MYO1E: variants seen among roughly 807,000 people sequenced by gnomAD.
MYO1E encodes myosin IE, also known as unconventional myosin-Ie.
In MYO1E, 68 loss-of-function variants were observed where a neutral mutation model predicts 151.1. The observed-to-expected ratio is 0.45, with a 90% CI of 0.37 to 0.55. The LOEUF is 0.55. MYO1E is among the 20% of genes least tolerant of loss of function. The pLI is 0.00. For missense variants in MYO1E, 1,363 were observed against 1,389.3 expected (o/e 0.98, Z 0.30); for synonymous variants, 601 against 501.7 (o/e 1.20, Z -2.64).
At chr15:59,186,494 G>A (rs1441065341) in intron 18 of MYO1E, among the ~76,000 whole-genome samples, 1 of 152,128 alleles carries the variant, frequency 6.6e-6, no homozygotes. Context: ...GACGCGGTGT[G>A]GTCGCTCGTG....
At chr15:59,272,183 G>A (rs1376238520) in intron 2 of MYO1E, 123 bp downstream of exon 2, 1 of 1,115,944 alleles carries the variant, frequency 9.0e-7, no homozygotes, top group Non-Finnish European at 1.4e-6. Context: ...TGGAACTCCT[G>A]CCTTAGCCTT....
intron 1 of MYO1E, among the ~76,000 whole-genome samples, chr15:59,347,822 G>A (rs917462713): frequency 1.3e-5 from 2 of 152,096 alleles, no homozygotes; most frequent in Non-Finnish European, 2.9e-5. Flanking sequence ...TAAATTTCGG[G>A]TGACATAAGG....
chr15:59,318,363 A>C (rs1453102523), intron 1 of MYO1E, among the ~76,000 whole-genome samples: 1 of 152,150 alleles, frequency 6.6e-6, no homozygotes, highest in Non-Finnish European at 1.5e-5. Context: ...CCCAACGGAG[A>C]CTACCATGAA....
intron 18 of MYO1E, among the ~76,000 whole-genome samples, chr15:59,183,442 C>T (rs561271552): frequency 8.6e-5 from 13 of 151,998 alleles, no homozygotes; most frequent in Admixed American, 7.2e-4. Flanking sequence ...TCGAGTAATC[C>T]TCCTGCCTCA....
chr15:59,344,101 G>T (rs1193809727), intron 1 of MYO1E, among the ~76,000 whole-genome samples: 1 of 152,190 alleles, frequency 6.6e-6, no homozygotes, highest in East Asian at 1.9e-4. Flanking sequence ...GAAGAGTTAA[G>T]AATTTATTGT....
chr15:59,209,123 T>C (rs560756884), intron 13 of MYO1E: 47 of 488,730 alleles, frequency 9.6e-5, no homozygotes, highest in East Asian at 4.3e-4. Flanking sequence ...TGCTCACTCA[T>C]AGTCATGCCA....
intron 4 of MYO1E, among the ~76,000 whole-genome samples, chr15:59,243,965 G>C (rs1330740806): frequency 2.0e-5 from 3 of 151,556 alleles, no homozygotes; most frequent in African/African-American, 7.3e-5. Flanking sequence ...GGAGGTTCCA[G>C]GGTCATGGAG....
Position 59,159,601 on chromosome 15 carries a change from T to A in MYO1E, c.2786-1222A>T, listed in dbSNP as rs916478407. Among the ~76,000 whole-genome samples, 1 of 152,218 alleles carries A rather than the reference T, an allele frequency of 6.6e-6. No individual in the cohort carries two copies. The highest frequency in any genetic ancestry group is 2.4e-5 in the African/African-American group (1 of 41,458). On this transcript the variant is annotated intron_variant, in intron 24 of 27. Transcript: ENST00000288235. The surrounding 1 kb of genome is among the most constrained non-coding windows in gnomAD (Gnocchi z 4.4). Reference sequence around the variant, plus strand: ...AATAATGATTTCCTGCCACTCCCTTTCCCTGGGTCCCTACTTTGTTCCCTA... The same window carrying A: ...AATAATGATTTCCTGCCACTCCCTTACCCTGGGTCCCTACTTTGTTCCCTA...
chr15:59,325,436 A>T (rs1475123511), intron 1 of MYO1E, among the ~76,000 whole-genome samples: 1 of 152,212 alleles, frequency 6.6e-6, no homozygotes, highest in Non-Finnish European at 1.5e-5. Context: ...ATTCGTGCAC[A>T]ATGAGTCCCA....
rs374680770 is a variant in MYO1E at position 59,132,772 on chromosome 15, T to TAAGTA, written c.*4603_*4607dup. 208 of 152,332 alleles carry TAAGTA rather than the reference T, an allele frequency of 1.4e-3. 1 individual carries two copies. Among genetic ancestry groups the TAAGTA allele is most frequent in the African/African-American group, 4.9e-3 (202 of 41,576 alleles). The allele number at this position is 152,332 out of a possible 1,614,324, so 9.4% of individuals were successfully genotyped here. ...GAGTGTCTCCCTCATAGGGTGGTGC[T>TAAGTA]AAGTAAAGTATGCCAAGCACTTAGT... On this transcript the variant is annotated 3_prime_UTR_variant, in exon 28 of 28. Coordinates refer to ENST00000288235, the MANE Select transcript of MYO1E (RefSeq NM_004998.4).
At chr15:59,303,390 G>C (rs2080494956) in intron 1 of MYO1E, among the ~76,000 whole-genome samples, 1 of 151,996 alleles carries the variant, frequency 6.6e-6, no homozygotes, top group South Asian at 2.1e-4. Context: ...CTTCAGCCTG[G>C]GCAACACAGT....
intron 22 of MYO1E, 40 bp from the exon 23 acceptor site, chr15:59,163,343 G>T (rs372275649): frequency 1.7e-5 from 27 of 1,598,148 alleles, no homozygotes; most frequent in Non-Finnish European, 2.2e-5. Flanking sequence ...TGAAAGCTGT[G>T]CTTCTGTTTA....
intron 1 of MYO1E, among the ~76,000 whole-genome samples, chr15:59,274,245 C>A (rs958110162): frequency 6.6e-6 from 1 of 152,174 alleles, no homozygotes; most frequent in Non-Finnish European, 1.5e-5. Context: ...GAAGGAAACT[C>A]TCTATATCTG....
At chr15:59,201,594 G>A (rs559140271) in intron 16 of MYO1E, among the ~76,000 whole-genome samples, 1 of 152,152 alleles carries the variant, frequency 6.6e-6, no homozygotes, top group South Asian at 2.1e-4. Context: ...AGTAGAGACA[G>A]GGTTTCTCCA....
intron 8 of MYO1E, among the ~76,000 whole-genome samples, chr15:59,223,835 T>C (rs754374507): frequency 2.0e-5 from 3 of 152,154 alleles, no homozygotes; most frequent in Non-Finnish European, 4.4e-5. Flanking sequence ...AAAACTACAC[T>C]CTAGGACCAG....
intron 1 of MYO1E, among the ~76,000 whole-genome samples, chr15:59,372,293 A>C (rs2080951141): frequency 6.6e-6 from 1 of 152,108 alleles, no homozygotes; most frequent in African/African-American, 2.4e-5. Flanking sequence ...GACTTGGAAT[A>C]AAGTTTTCCT....
chr15:59,238,901 T>C (rs1421703741), intron 4 of MYO1E, among the ~76,000 whole-genome samples: 1 of 151,928 alleles, frequency 6.6e-6, no homozygotes, highest in Non-Finnish European at 1.5e-5. Flanking sequence ...TTCTCATAAT[T>C]TTCTATTTTT....
chr15:59,163,125 C>G, intron 23 of MYO1E, 32 bp downstream of exon 23: 1 of 1,612,576 alleles, frequency 6.2e-7, no homozygotes. Context: ...TTTAGCTACA[C>G]GCAGAAGTCT....
intron 4 of MYO1E, among the ~76,000 whole-genome samples, chr15:59,253,018 T>C (rs1317338319): frequency 5.9e-5 from 9 of 152,240 alleles, no homozygotes; most frequent in Admixed American, 5.9e-4. Flanking sequence ...ACTGCGGTCA[T>C]GTCCAAAGGA....
Sources: gnomAD v4.1 joint callset for allele counts (sites outside exome capture counted in the v4.1 genomes callset) on GRCh38, gnomAD v4.1.1 for gene constraint, Gnocchi (gnomAD v3.1) non-coding constraint, MANE v1.5 for transcripts, NCBI Gene and HGNC (gene_info 2026-07-23, HGNC 2026-07-21) for gene names.